Variants in SYNPR observed in about 807,000 individuals in gnomAD.
The protein encoded by SYNPR is synaptoporin.
Under a neutral mutation model 32.9 loss-of-function variants are expected in SYNPR, and 23 were observed. The observed-to-expected ratio is 0.70, with a 90% CI of 0.50 to 0.99. The LOEUF (loss-of-function observed/expected upper bound fraction) is 0.99. Ranked by LOEUF, SYNPR falls within the 50% of genes least tolerant of loss-of-function variation. SYNPR has a pLI of 0.00. For synonymous variants in SYNPR, 146 were observed against 135.9 expected (o/e 1.07, Z -0.52); for missense variants, 318 against 349.3 (o/e 0.91, Z 0.71).
At chr3:63,353,891 T>C (rs2087541800) in intron 2 of SYNPR, among the ~76,000 whole-genome samples, 1 of 152,244 alleles carries the variant, frequency 6.6e-6, no homozygotes, top group South Asian at 2.1e-4. Flanking sequence ...CACTTCAAGC[T>C]TTGTGTTGCT....
chr3:63,418,422 C>A (rs563368355), intron 2 of SYNPR, among the ~76,000 whole-genome samples: 1 of 152,244 alleles, frequency 6.6e-6, no homozygotes, highest in South Asian at 2.1e-4. Flanking sequence ...CCAAACTGTT[C>A]CAACCCCTGC....
chr3:63,565,637 A>C (rs369870609), intron 4 of SYNPR, among the ~76,000 whole-genome samples: 2 of 152,082 alleles, frequency 1.3e-5, no homozygotes, highest in Non-Finnish European at 2.9e-5. Flanking sequence ...ACAAATTCAA[A>C]TCCTAGCATT....
intron 2 of SYNPR, among the ~76,000 whole-genome samples, chr3:63,348,146 C>T (rs1407180426): frequency 6.6e-6 from 1 of 152,144 alleles, no homozygotes; most frequent in East Asian, 1.9e-4. Context: ...TACATTCCCA[C>T]CAACATTGTA....
At chr3:63,526,538 T>C (rs1702016986) in intron 3 of SYNPR, among the ~76,000 whole-genome samples, 2 of 152,210 alleles carry the variant, frequency 1.3e-5, no homozygotes, top group South Asian at 2.1e-4. Flanking sequence ...TTTATTCTCA[T>C]TGTATTAAGG....
intron 2 of SYNPR, among the ~76,000 whole-genome samples, chr3:63,291,553 A>C (rs2086738974): frequency 6.6e-6 from 1 of 152,152 alleles, no homozygotes; most frequent in Admixed American, 6.5e-5. Context: ...TCTGTGTCAT[A>C]ATCATCAACT....
Position 63,468,946 on chromosome 3 carries a change from C to T in SYNPR, c.85-11886C>T, listed in dbSNP as rs921420233. Reference sequence around the variant, plus strand: ...AGTGACATTTCTTTGCTTAATGACTCTTATTGTCTAGTGAAAAGGCATTAA... The same window carrying T: ...AGTGACATTTCTTTGCTTAATGACTTTTATTGTCTAGTGAAAAGGCATTAA... On this transcript the variant is annotated intron_variant, in intron 2 of 5. Coordinates refer to ENST00000478300, the MANE Select transcript of SYNPR (RefSeq NM_001130003.2). Among the ~76,000 whole-genome samples, 3 of 152,098 alleles carry T rather than the reference C, an allele frequency of 2.0e-5. No individual in the cohort carries two copies. The South Asian group carries it at 6.2e-4, about 32-fold the overall frequency.
chr3:63,486,403 C>T (rs779847649), intron 3 of SYNPR, among the ~76,000 whole-genome samples: 19 of 152,156 alleles, frequency 1.2e-4, no homozygotes, highest in Admixed American at 2.0e-4. Flanking sequence ...TGTATTATAC[C>T]ATTTCCCAGA....
rs996625446 is a variant in SYNPR at position 63,546,942 on chromosome 3, G to A, written c.210-9601G>A. On this transcript the variant is annotated intron_variant, in intron 3 of 5. Transcript: ENST00000478300. ...CCAAGGTTAGGAAAGAAATGTCTAGGAAAATGATTCTGGCTGCCTGGAAAA... is the reference window on the plus strand; with the variant it reads ...CCAAGGTTAGGAAAGAAATGTCTAGAAAAATGATTCTGGCTGCCTGGAAAA... Among the ~76,000 whole-genome samples, 40 of 152,224 alleles carry A rather than the reference G, an allele frequency of 2.6e-4. 2 individuals are homozygous for A. Among genetic ancestry groups the A allele is most frequent in the Admixed American group, 1.5e-3 (23 of 15,276 alleles).
At chr3:63,361,425 T>C (rs1015276988) in intron 2 of SYNPR, among the ~76,000 whole-genome samples, 1 of 151,764 alleles carries the variant, frequency 6.6e-6, no homozygotes, top group Non-Finnish European at 1.5e-5. Flanking sequence ...AAACCCCATC[T>C]CTACTAAAAA....
At chr3:63,509,375 T>C (rs1164155643) in intron 3 of SYNPR, among the ~76,000 whole-genome samples, 3 of 151,528 alleles carry the variant, frequency 2.0e-5, no homozygotes, top group Non-Finnish European at 2.9e-5. Flanking sequence ...TAAAAGAATA[T>C]ACATATTCTT....
intron 3 of SYNPR, among the ~76,000 whole-genome samples, chr3:63,524,854 T>TGTGTGTGTGTGC (rs1701980129): frequency 1.3e-5 from 1 of 74,340 alleles, no homozygotes; most frequent in African/African-American, 5.3e-5. Flanking sequence ...TGTGTGTGCA[T>TGTGTGTGTGTGC]GTGTGTGTGT....
chr3:63,433,116 G>T (rs1046226471), intron 2 of SYNPR, among the ~76,000 whole-genome samples: 1 of 152,188 alleles, frequency 6.6e-6, no homozygotes, highest in African/African-American at 2.4e-5. Context: ...ATAACAGAAA[G>T]GGTGGAAGCT....
At chr3:63,443,558 C>T (rs1700219986) in intron 2 of SYNPR, 2 of 1,394,018 alleles carry the variant, frequency 1.4e-6, no homozygotes, top group Non-Finnish European at 2.0e-6. Context: ...GGATTGTACA[C>T]TTTTCTTTCC....
At chr3:63,412,664 T>G (rs1343084531) in intron 2 of SYNPR, among the ~76,000 whole-genome samples, 1 of 152,086 alleles carries the variant, frequency 6.6e-6, no homozygotes, top group Non-Finnish European at 1.5e-5. Context: ...AGACTTAGTG[T>G]CATGGAAGCA....
At chr3:63,340,261 C>T (rs2087347544) in intron 2 of SYNPR, among the ~76,000 whole-genome samples, 2 of 151,982 alleles carry the variant, frequency 1.3e-5, no homozygotes, top group South Asian at 4.1e-4. Flanking sequence ...ATGAATGAAG[C>T]TGCTATCAAT....
At chr3:63,279,226 C>CGTGTTCA (rs1039340946) in intron 2 of SYNPR, among the ~76,000 whole-genome samples, 18 of 152,112 alleles carry the variant, frequency 1.2e-4, no homozygotes, top group Non-Finnish European at 2.5e-4. Flanking sequence ...GCTGGAAGCG[C>CGTGTTCA]GTGTTCAACT....
At chr3:63,317,930 T>C (rs537930308) in intron 2 of SYNPR, among the ~76,000 whole-genome samples, 1 of 152,196 alleles carries the variant, frequency 6.6e-6, no homozygotes, top group South Asian at 2.1e-4. Flanking sequence ...CTTTTAGCAG[T>C]TCTTGTAGTG....
intron 4 of SYNPR, among the ~76,000 whole-genome samples, chr3:63,567,719 C>T (rs1702815865): frequency 6.6e-6 from 1 of 152,136 alleles, no homozygotes; most frequent in Non-Finnish European, 1.5e-5. Flanking sequence ...CAGAATTTGC[C>T]CTGGGAACAG....
chr3:63,421,128 C>T (rs993937159), intron 2 of SYNPR, among the ~76,000 whole-genome samples: 7 of 152,112 alleles, frequency 4.6e-5, no homozygotes, highest in African/African-American at 1.4e-4. Flanking sequence ...AGTGATTCCC[C>T]GGTTTTGGCC....
Sources: allele counts gnomAD v4.1 joint callset (sites outside exome capture counted in the v4.1 genomes callset), GRCh38; gene constraint gnomAD v4.1.1; transcripts MANE v1.5; gene names NCBI Gene and HGNC (gene_info 2026-07-23, HGNC 2026-07-21).